Variants in ERBB4 observed in about 807,000 individuals in gnomAD.
The protein encoded by ERBB4 is receptor tyrosine-protein kinase erbB-4.
A neutral mutation model predicts 158.0 loss-of-function variants in ERBB4; 42 were observed. That is an observed-to-expected ratio of 0.27 (90% CI 0.21 to 0.34). ERBB4 has a LOEUF of 0.34. Ranked by LOEUF, ERBB4 falls within the 10% of genes least tolerant of loss-of-function variation. The probability of loss-of-function intolerance (pLI) is 1.00; values close to 1 mark genes in which losing one functional copy is unlikely to be tolerated. For synonymous variants in ERBB4, 583 were observed against 558.7 expected, an observed-to-expected ratio of 1.04 and a Z score of -0.61; for missense variants, 1,333 against 1,624.1, an observed-to-expected ratio of 0.82 and a Z score of 3.08.
At chr2:211,615,219 C>A (rs1025120512) in intron 19 of ERBB4, among the ~76,000 whole-genome samples, 2 of 151,786 alleles carry the variant, frequency 1.3e-5, no homozygotes, top group South Asian at 2.1e-4. Context: ...GTGAAGGGAA[C>A]TCAGAAAAAG....
chr2:212,257,162 C>T (rs1243577545), intron 1 of ERBB4, among the ~76,000 whole-genome samples: 1 of 152,070 alleles, frequency 6.6e-6, no homozygotes, highest in African/African-American at 2.4e-5. Context: ...TATTTGAGAA[C>T]CAGTATTCTA....
At chr2:212,535,840 C>T (rs1210187058) in intron 1 of ERBB4, among the ~76,000 whole-genome samples, 1 of 152,158 alleles carries the variant, frequency 6.6e-6, no homozygotes, top group Non-Finnish European at 1.5e-5. Flanking sequence ...TAAGAAATAT[C>T]TTAAAGATCT....
intron 2 of ERBB4, among the ~76,000 whole-genome samples, chr2:211,971,947 A>G (rs2081465734): frequency 6.6e-6 from 1 of 152,080 alleles, no homozygotes; most frequent in Admixed American, 6.6e-5. Flanking sequence ...AAATAAATAA[A>G]CAAATAGAAA....
At chr2:211,733,678 CA>C (rs34092994) in intron 5 of ERBB4, among the ~76,000 whole-genome samples, 94,482 of 148,308 alleles carry the variant, frequency 0.64, 30,870 homozygotes, top group African/African-American at 0.77. Flanking sequence ...AAACAAAAAC[CA>C]AAAAAAAAAA....
intron 3 of ERBB4, among the ~76,000 whole-genome samples, chr2:211,945,177 A>C (rs1028474431): frequency 1.3e-5 from 2 of 152,126 alleles, no homozygotes; most frequent in African/African-American, 4.8e-5. Flanking sequence ...ATTTTGCCAT[A>C]GAGAAAATTT....
At position 211,890,560 on chromosome 2, in the gene ERBB4, A is replaced by G. The variant is rs530922812; in HGVS notation, c.421+56870T>C. Among the ~76,000 whole-genome samples, 4 of 150,844 alleles carry G rather than the reference A, an allele frequency of 2.7e-5. No homozygotes were observed. The East Asian group carries it at 7.9e-4, about 30-fold the overall frequency. On this transcript the variant is annotated intron_variant, in intron 3 of 27. Coordinates refer to ENST00000342788, the MANE Select transcript of ERBB4 (RefSeq NM_005235.3). ...GATCAAATTCACACATAACAATATTAACTTTAAATGTAAATGGACTAAATT... is the reference window on the plus strand; with the variant it reads ...GATCAAATTCACACATAACAATATTGACTTTAAATGTAAATGGACTAAATT...
At chr2:212,499,055 A>G (rs1690738382) in intron 1 of ERBB4, among the ~76,000 whole-genome samples, 2 of 151,950 alleles carry the variant, frequency 1.3e-5, no homozygotes. Context: ...GCCGGACTAG[A>G]TAAAAGCAAT....
intron 5 of ERBB4, among the ~76,000 whole-genome samples, chr2:211,739,541 G>A (rs2074719446): frequency 6.6e-6 from 1 of 152,084 alleles, no homozygotes; most frequent in East Asian, 1.9e-4. Context: ...TTGGCTCACC[G>A]CAACCTCTGC....
chr2:211,694,210 C>G (rs970104361), intron 12 of ERBB4, among the ~76,000 whole-genome samples: 1 of 152,190 alleles, frequency 6.6e-6, no homozygotes, highest in Middle Eastern at 3.2e-3. Flanking sequence ...ACTCACAACA[C>G]TGTCTAAATA....
intron 1 of ERBB4, among the ~76,000 whole-genome samples, chr2:212,316,450 C>T (rs555715720): frequency 6.6e-6 from 1 of 151,462 alleles, no homozygotes; most frequent in Non-Finnish European, 1.5e-5. Flanking sequence ...GAAGTTCCCC[C>T]TTTTTTCCAT....
At chr2:211,791,072 G>A (rs552948110) in intron 3 of ERBB4, among the ~76,000 whole-genome samples, 1 of 151,852 alleles carries the variant, frequency 6.6e-6, no homozygotes, top group African/African-American at 2.4e-5. Context: ...ACTCAGGTAT[G>A]TTTATTACTG....
At chr2:211,836,413 C>T (rs537586878) in intron 3 of ERBB4, among the ~76,000 whole-genome samples, 15 of 152,140 alleles carry the variant, frequency 9.9e-5, no homozygotes, top group African/African-American at 3.4e-4. Context: ...CATTCTTCCC[C>T]CAGAAATAAA....
intron 1 of ERBB4, among the ~76,000 whole-genome samples, chr2:212,518,911 GAGA>G (rs948606052): frequency 2.6e-5 from 4 of 151,916 alleles, no homozygotes; most frequent in African/African-American, 9.7e-5. Flanking sequence ...AATAATCCTA[GAGA>G]AGATTTTTTT....
At chr2:211,770,336 A>G (rs2075658908) in intron 4 of ERBB4, among the ~76,000 whole-genome samples, 1 of 152,198 alleles carries the variant, frequency 6.6e-6, no homozygotes, top group South Asian at 2.1e-4. Context: ...GTTTAGAAAA[A>G]GGTAACAAAA....
At chr2:211,900,286 CA>C (rs1559627673) in intron 3 of ERBB4, among the ~76,000 whole-genome samples, 2 of 152,066 alleles carry the variant, frequency 1.3e-5, no homozygotes, top group Admixed American at 6.6e-5. Flanking sequence ...ACAGAGAAAG[CA>C]GTTGTTCCCA....
At chr2:212,417,090 A>AAG (rs1289221915) in intron 1 of ERBB4, among the ~76,000 whole-genome samples, 1 of 152,080 alleles carries the variant, frequency 6.6e-6, no homozygotes, top group Non-Finnish European at 1.5e-5. Flanking sequence ...TAGAAAGATC[A>AAG]AGAGATGGGT....
At chr2:212,391,923 A>T (rs2090886434) in intron 1 of ERBB4, among the ~76,000 whole-genome samples, 2 of 150,974 alleles carry the variant, frequency 1.3e-5, no homozygotes, top group African/African-American at 4.8e-5. Context: ...TGACAAAATA[A>T]ATAAAATAAG....
intron 1 of ERBB4, among the ~76,000 whole-genome samples, chr2:212,514,082 A>G (rs747900173): frequency 2.4e-4 from 37 of 152,292 alleles, no homozygotes; most frequent in Middle Eastern, 3.4e-3. Context: ...AGAAGACATG[A>G]TAGCATTTTG....
chr2:211,920,139 A>C lies in ERBB4; in HGVS notation c.421+27291T>G, dbSNP rs561455832. Reference sequence around the variant, plus strand: ...CAACTGACATAAGCACTGTCATGAAAAATGTCATTTGATTTAGGGTCACCT... The same window carrying C: ...CAACTGACATAAGCACTGTCATGAACAATGTCATTTGATTTAGGGTCACCT... On this transcript the variant is annotated intron_variant, in intron 3 of 27. Coordinates refer to ENST00000342788, the MANE Select transcript of ERBB4 (RefSeq NM_005235.3). 2.0e-5 allele frequency among the ~76,000 whole-genome samples: 3 copies of C among 152,104 alleles called. No individual in the cohort carries two copies. In the South Asian group the frequency reaches 6.2e-4, roughly 32 times the overall value.
Sources: gnomAD v4.1 joint callset for allele counts (sites outside exome capture counted in the v4.1 genomes callset) on GRCh38, gnomAD v4.1.1 for gene constraint, MANE v1.5 for transcripts, NCBI Gene and HGNC (gene_info 2026-07-23, HGNC 2026-07-21) for gene names.